Variants in SLC4A4 observed in about 807,000 individuals in gnomAD.
SLC4A4 encodes the protein electrogenic sodium bicarbonate cotransporter 1.
SLC4A4 carries 27 observed loss-of-function variants against 111.5 expected under a neutral mutation model. That is an observed-to-expected ratio of 0.24 (90% confidence interval 0.18 to 0.33). The LOEUF (loss-of-function observed/expected upper bound fraction) is 0.33, where lower values mean the gene tolerates loss of function less well. Among genes scored for constraint, SLC4A4 ranks in the 10% least tolerant of loss-of-function variants. SLC4A4 has a pLI of 1.00. For missense variants in SLC4A4, 909 were observed against 1,315.5 expected, an observed-to-expected ratio of 0.69 and a Z score of 4.78; for synonymous variants, 443 against 463.4, an observed-to-expected ratio of 0.96 and a Z score of 0.57.
chr4:71,276,771 G>T (rs556850766), intron 3 of SLC4A4, among the ~76,000 whole-genome samples: 3 of 152,150 alleles, frequency 2.0e-5, no homozygotes, highest in Non-Finnish European at 4.4e-5. Flanking sequence ...CTGCTGGCCA[G>T]GTGTGGTGGC....
intron 6 of SLC4A4, among the ~76,000 whole-genome samples, chr4:71,376,758 TC>T (rs1732443881): frequency 6.6e-6 from 1 of 151,954 alleles, no homozygotes; most frequent in Non-Finnish European, 1.5e-5. Context: ...TGCCTCAGTC[TC>T]CCAAGTAGCT....
At chr4:71,295,944 A>G (rs1724753449) in intron 3 of SLC4A4, among the ~76,000 whole-genome samples, 1 of 151,092 alleles carries the variant, frequency 6.6e-6, no homozygotes, top group African/African-American at 2.4e-5. Flanking sequence ...ACAGTCATGA[A>G]CCACCGTGCC....
intron 16 of SLC4A4, among the ~76,000 whole-genome samples, chr4:71,500,812 A>G (rs1022921927): frequency 6.6e-6 from 1 of 152,126 alleles, no homozygotes; most frequent in African/African-American, 2.4e-5. Context: ...ACTCTGTTCT[A>G]TCCCATTGGT....
chr4:71,222,456 A>G (rs1016372432), intron 1 of SLC4A4, among the ~76,000 whole-genome samples: 5 of 152,234 alleles, frequency 3.3e-5, no homozygotes, highest in Admixed American at 2.6e-4. Context: ...CCATTGTAGT[A>G]TCAACTTTTA....
At chr4:71,154,573 A>C (rs952021816) in intron 2 of SLC4A4, among the ~76,000 whole-genome samples, 1 of 152,212 alleles carries the variant, frequency 6.6e-6, no homozygotes, top group Non-Finnish European at 1.5e-5. Flanking sequence ...GTTAGTTAAC[A>C]ACCGGGATTG....
chr4:71,411,472 C>T (rs1045603401), intron 7 of SLC4A4, among the ~76,000 whole-genome samples: 1 of 152,024 alleles, frequency 6.6e-6, no homozygotes, highest in Non-Finnish European at 1.5e-5. Flanking sequence ...AAATAGTTGC[C>T]TATTTTAATT....
chr4:71,357,124 T>A lies in SLC4A4; in HGVS notation c.667T>A (p.Ser223Thr). ...RHQTKKSNLR[S>T]LADIGKTVSS... ...TCAAACCAAGAAATCCAACCTTCGG[T>A]CCCTGGCTGACATTGGGAAGACAGT... is the stretch of plus-strand genomic sequence containing the variant. The change falls in exon 6 of 26, where the codon TCC (serine) becomes ACC (threonine). Residue 223 changes from serine to threonine, a missense_variant. Coordinates refer to ENST00000264485, the MANE Select transcript of SLC4A4 (RefSeq NM_001098484.3). 6.2e-7 allele frequency: 1 copy of A among 1,614,134 alleles called. No individual in the cohort carries two copies. The highest frequency in any genetic ancestry group is 1.1e-5 in the South Asian group (1 of 91,084).
intron 1 of SLC4A4, among the ~76,000 whole-genome samples, chr4:71,085,172 T>C (rs930983409): frequency 1.3e-5 from 2 of 152,132 alleles, no homozygotes; most frequent in Non-Finnish European, 2.9e-5. Flanking sequence ...TGAGCATTTT[T>C]TCATGTGTCT....
At position 71,568,220 on chromosome 4, in the gene SLC4A4, A is replaced by C. The variant is rs1192728338; in HGVS notation, c.*469A>C. Reference sequence around the variant, plus strand: ...AGGATGGAAGTATTAAGGATTTTGTAACACCTTTTATGAAAATGTTGAAGG... The same window carrying C: ...AGGATGGAAGTATTAAGGATTTTGTCACACCTTTTATGAAAATGTTGAAGG... On this transcript the variant is annotated 3_prime_UTR_variant, in exon 26 of 26. Transcript: ENST00000264485. 4.9e-6 allele frequency: 1 copy of C among 205,358 alleles called. No individual in the cohort carries two copies. The highest frequency in any genetic ancestry group is 9.7e-6 in the Non-Finnish European group (1 of 103,076). 12.7% of individuals were successfully genotyped at this position (205,358 alleles called of 1,614,324 possible).
At chr4:71,063,810 C>G (rs971091729) in intron 1 of SLC4A4, among the ~76,000 whole-genome samples, 8 of 152,034 alleles carry the variant, frequency 5.3e-5, no homozygotes, top group African/African-American at 1.9e-4. Flanking sequence ...ATATAGTGCT[C>G]TATTTAATTT....
intron 2 of SLC4A4, among the ~76,000 whole-genome samples, chr4:71,250,942 A>T (rs903195234): frequency 6.6e-6 from 1 of 152,134 alleles, no homozygotes; most frequent in African/African-American, 2.4e-5. Flanking sequence ...TACAATGGGG[A>T]TAGGAGCAGG....
intron 2 of SLC4A4, 28 bp downstream of exon 2, chr4:71,236,677 C>T: frequency 6.4e-7 from 1 of 1,562,590 alleles, no homozygotes; most frequent in Non-Finnish European, 8.8e-7. Flanking sequence ...GGGAAAGTGT[C>T]TGTTGACATA....
chr4:71,407,470 G>C (rs1720968983), intron 7 of SLC4A4, among the ~76,000 whole-genome samples: 1 of 152,146 alleles, frequency 6.6e-6, no homozygotes, highest in African/African-American at 2.4e-5. Context: ...AGTGCAGCTG[G>C]GGTTCAGTGA....
At chr4:71,551,066 A>T (rs1305682847) in intron 20 of SLC4A4, among the ~76,000 whole-genome samples, 2 of 151,882 alleles carry the variant, frequency 1.3e-5, no homozygotes, top group African/African-American at 2.4e-5. Context: ...CAGCAGAAAT[A>T]CTGCCTGGTA....
At chr4:71,366,268 T>G (rs1291153460) in intron 6 of SLC4A4, among the ~76,000 whole-genome samples, 1 of 151,972 alleles carries the variant, frequency 6.6e-6, no homozygotes, top group Non-Finnish European at 1.5e-5. Context: ...AAAATTTATT[T>G]TCTTCTTAAT....
At chr4:71,292,842 G>GTT (rs869195687) in intron 3 of SLC4A4, among the ~76,000 whole-genome samples, 10,982 of 110,056 alleles carry the variant, frequency 0.1, 764 homozygotes, top group South Asian at 0.26. Flanking sequence ...GGTTTTTTTT[G>GTT]TTTTTTTTTT....
chr4:71,093,169 C>CT (rs201572936), intron 2 of SLC4A4, among the ~76,000 whole-genome samples: 1,901 of 152,012 alleles, frequency 0.013, 42 homozygotes, highest in African/African-American at 0.044. Flanking sequence ...TTTTTCTTTT[C>CT]TTTTTTTCCT....
chr4:71,327,492 C>T (rs2148873954), intron 3 of SLC4A4, among the ~76,000 whole-genome samples: 1 of 151,874 alleles, frequency 6.6e-6, no homozygotes, highest in East Asian at 1.9e-4. Flanking sequence ...ATGCATTTTC[C>T]CTGTCTATAA....
intron 16 of SLC4A4, among the ~76,000 whole-genome samples, chr4:71,515,089 T>A (rs79565639): frequency 1.3e-5 from 2 of 152,020 alleles, no homozygotes; most frequent in African/African-American, 4.8e-5. Context: ...TGTTAACTTG[T>A]AATCTTTCTA....
Sources: allele counts gnomAD v4.1 joint callset (sites outside exome capture counted in the v4.1 genomes callset), GRCh38; gene constraint gnomAD v4.1.1; transcripts MANE v1.5; gene names NCBI Gene and HGNC (gene_info 2026-07-23, HGNC 2026-07-21).